The following FXYD5 variants were observed in gnomAD, a reference collection of about 807,000 sequenced individuals.
FXYD5 encodes FXYD domain-containing ion transport regulator 5.
Under a neutral mutation model 25.7 loss-of-function variants are expected in FXYD5, and 21 were observed. The observed-to-expected ratio is 0.82, with a 90% CI of 0.58 to 1.18. FXYD5 has a LOEUF of 1.18. FXYD5 is among the 50% of genes most tolerant of loss of function. The pLI, the probability that FXYD5 is intolerant of heterozygous loss-of-function variation, is 0.00. For missense variants in FXYD5, 229 were observed against 227.7 expected, an observed-to-expected ratio of 1.01 and a Z score of -0.04; for synonymous variants, 101 against 90.7, an observed-to-expected ratio of 1.11 and a Z score of -0.64.
At chr19:35,159,738 A>ACCATTGT in intron 4 of FXYD5, 2 of 1,366,046 alleles carry the variant, frequency 1.5e-6, no homozygotes, top group East Asian at 5.2e-5. Context: ...GGCAGAAATT[A>ACCATTGT]CCATTGTCCC....
Position 35,155,527 on chromosome 19 carries a change from C to T in FXYD5, c.1-24C>T, listed in dbSNP as rs763263533. The T allele has an allele frequency of 3.7e-6, 6 of 1,602,292 alleles. No homozygotes were observed. The East Asian group carries it at 1.3e-4, about 36-fold the overall frequency. On this transcript the variant is annotated intron_variant, in intron 1 of 8. Coordinates refer to ENST00000392219, the MANE Select transcript of FXYD5 (RefSeq NM_014164.6). Reference sequence around the variant, plus strand: ...TCGGTCTCACTGACATCATGGCTGACCCCAGCATCGCCTGGTCCCACAGAT... The same window carrying T: ...TCGGTCTCACTGACATCATGGCTGATCCCAGCATCGCCTGGTCCCACAGAT...
chr19:35,157,316 C>T, intron 2 of FXYD5, 105 bp from the exon 3 acceptor site: 2 of 655,428 alleles, frequency 3.1e-6, no homozygotes, highest in Non-Finnish European at 5.5e-6. Context: ...TGAGTGATTC[C>T]ACCAGCAGAC....
At chr19:35,159,708 C>T in intron 4 of FXYD5, 2 of 1,470,252 alleles carry the variant, frequency 1.4e-6, no homozygotes, top group Non-Finnish European at 1.8e-6. Flanking sequence ...ACTCATTCAA[C>T]CTTCACGCAA....
At chr19:35,169,088 C>T (rs1485534798) in intron 8 of FXYD5, among the ~76,000 whole-genome samples, 2 of 151,044 alleles carry the variant, frequency 1.3e-5, no homozygotes, top group Admixed American at 1.3e-4. Flanking sequence ...AAGTAACCTC[C>T]TCATTGAAGC....
At chr19:35,157,554 A>G (rs76309718) in intron 3 of FXYD5, 53 bp downstream of exon 3, 3 of 930,528 alleles carry the variant, frequency 3.2e-6, no homozygotes, top group Non-Finnish European at 5.3e-6. Context: ...TAACAACAGC[A>G]ACAAAAATCC....
At chr19:35,161,221 A>AACACACACACACACAC (rs147168736) in intron 5 of FXYD5, among the ~76,000 whole-genome samples, 1,318 of 38,236 alleles carry the variant, frequency 0.034, 23 homozygotes, top group East Asian at 0.072. Context: ...ATTCACCTTA[A>AACACACACACACACAC]ACACACACAC....
At position 35,169,780 on chromosome 19, in the gene FXYD5, C is replaced by T; in HGVS notation, c.*165C>T. ...GGCTGCCGGTCCGAGTCTCCTACCT[C>T]CCCCAACCCTGCCCGCCCCTGAAGG... On this transcript the variant is annotated 3_prime_UTR_variant, in exon 9 of 9. Coordinates refer to ENST00000392219, the MANE Select transcript of FXYD5 (RefSeq NM_014164.6). The T allele has an allele frequency of 3.2e-6, 2 of 619,032 alleles. No individual in the cohort carries two copies. Among genetic ancestry groups the T allele is most frequent in the Admixed American group, 2.6e-5 (1 of 38,062 alleles). 38.3% of individuals were successfully genotyped at this position (619,032 alleles called of 1,614,324 possible).
At chr19:35,159,638 G>A (rs1323155087) in intron 4 of FXYD5, 9 of 1,549,388 alleles carry the variant, frequency 5.8e-6, no homozygotes, top group South Asian at 2.4e-5. Flanking sequence ...TTGAGCAAAC[G>A]CACTTGGAAT....
Position 35,169,780 on chromosome 19 carries a change from C to A in FXYD5, c.*165C>A, listed in dbSNP as rs1426400996. 8.1e-6 allele frequency: 5 copies of A among 618,914 alleles called. No individual in the cohort carries two copies. The highest frequency in any genetic ancestry group is 1.4e-5 in the Non-Finnish European group (5 of 345,422). 38.3% of individuals were successfully genotyped at this position (618,914 alleles called of 1,614,324 possible). A position where few individuals can be genotyped will look rare whatever the true frequency, so the allele number is the denominator to read the frequency against. On this transcript the variant is annotated 3_prime_UTR_variant, in exon 9 of 9. Coordinates refer to ENST00000392219, the MANE Select transcript of FXYD5 (RefSeq NM_014164.6). ...GGCTGCCGGTCCGAGTCTCCTACCT[C>A]CCCCAACCCTGCCCGCCCCTGAAGG...
Position 35,166,270 on chromosome 19 carries a change from A to G in FXYD5, c.432A>G (p.Lys144=), listed in dbSNP as rs1198593598. The change falls in exon 8 of 9, where the codon AAA becomes AAG. Residue 144 remains lysine (K), a synonymous_variant. Transcript: ENST00000392219. ...PFFYDEHTLR[K]RGLLVAAVLF... is the part of the protein sequence containing the mutation. ...CTGCAGATGAACACACCCTCCGGAA[A>G]CGGGGGCTGTTGGTCGCAGCTGTGC... 6.2e-7 allele frequency: 1 copy of G among 1,611,672 alleles called. No individual in the cohort carries two copies. The highest frequency in any genetic ancestry group is 8.5e-7 in the Non-Finnish European group (1 of 1,178,284).
At chr19:35,168,650 A>G (rs2065471689) in intron 8 of FXYD5, among the ~76,000 whole-genome samples, 1 of 152,140 alleles carries the variant, frequency 6.6e-6, no homozygotes, top group Non-Finnish European at 1.5e-5. Context: ...GCAGCCACAG[A>G]TGAGTCTCTG....
At chr19:35,159,834 A>G (rs1198543828) in intron 4 of FXYD5, 1 of 629,308 alleles carries the variant, frequency 1.6e-6, no homozygotes, top group Non-Finnish European at 2.6e-6. Flanking sequence ...ATCGAAGTCC[A>G]GGAATCTGGC....
intron 6 of FXYD5, 49 bp from the exon 7 acceptor site, chr19:35,166,093 T>A (rs1439017703): frequency 1.9e-6 from 3 of 1,601,816 alleles, no homozygotes; most frequent in South Asian, 2.2e-5. Context: ...ACGTATTCAC[T>A]TCACAAACCT....
intron 1 of FXYD5, chr19:35,155,164 A>G: frequency 9.1e-6 from 2 of 218,644 alleles, no homozygotes; most frequent in Non-Finnish European, 9.0e-6. Context: ...CCCCTGGGGG[A>G]GGGAAGAGGC....
intron 4 of FXYD5, chr19:35,159,615 T>C (rs2065387158): frequency 1.9e-6 from 3 of 1,550,404 alleles, no homozygotes; most frequent in Non-Finnish European, 1.7e-6. Flanking sequence ...TGAGCAACTT[T>C]GTCCCTTCCT....
Position 35,169,705 on chromosome 19 carries a change from C to G in FXYD5, c.*90C>G, listed in dbSNP as rs1568418328. On this transcript the variant is annotated 3_prime_UTR_variant, in exon 9 of 9. Coordinates refer to ENST00000392219, the MANE Select transcript of FXYD5 (RefSeq NM_014164.6). Reference sequence around the variant, plus strand: ...CCGTGCCCAGCCTCCTGCATCCCCTCGAAGAGCCTGGCCAGAGAGGGAAGA... The same window carrying G: ...CCGTGCCCAGCCTCCTGCATCCCCTGGAAGAGCCTGGCCAGAGAGGGAAGA... 3.6e-6 allele frequency: 3 copies of G among 833,600 alleles called. No individual in the cohort carries two copies. The highest frequency in any genetic ancestry group is 1.7e-5 in the African/African-American group (1 of 59,908). The allele number at this position is 833,600 out of a possible 1,614,324, so 51.6% of individuals were successfully genotyped here. A position where few individuals can be genotyped will look rare whatever the true frequency, so the allele number is the denominator to read the frequency against.
chr19:35,162,214 T>C (rs1191776365), intron 5 of FXYD5, among the ~76,000 whole-genome samples: 2 of 152,212 alleles, frequency 1.3e-5, no homozygotes, highest in African/African-American at 4.8e-5. Context: ...CTGCTGAGCC[T>C]CTGGGTTGCC....
In FXYD5 at chr19:35,169,646, TG is replaced by T; in HGVS notation, c.*34del. 2 of 1,488,908 alleles carry T rather than the reference TG, an allele frequency of 1.3e-6. No individual in the cohort carries two copies. The highest frequency in any genetic ancestry group is 1.9e-6 in the Non-Finnish European group (2 of 1,065,494). 92.2% of individuals were successfully genotyped at this position (1,488,908 alleles called of 1,614,324 possible). Reference sequence around the variant, plus strand: ...TCAGAAACAGGAGCTGACAACCTGCTGGGCACCCGAAGACCAAGCCCCCTGC... The same window carrying T: ...TCAGAAACAGGAGCTGACAACCTGCTGGCACCCGAAGACCAAGCCCCCTGC... On this transcript the variant is annotated 3_prime_UTR_variant, in exon 9 of 9. Transcript: ENST00000392219.
chr19:35,163,286 C>G (rs1568414281), intron 5 of FXYD5, among the ~76,000 whole-genome samples: 1 of 152,106 alleles, frequency 6.6e-6, no homozygotes, highest in Non-Finnish European at 1.5e-5. Flanking sequence ...TGAGATAATT[C>G]CAGGGAACTT....
Sources: gnomAD v4.1 joint callset for allele counts (sites outside exome capture counted in the v4.1 genomes callset) on GRCh38, gnomAD v4.1.1 for gene constraint, MANE v1.5 for transcripts, NCBI Gene and HGNC (gene_info 2026-07-23, HGNC 2026-07-21) for gene names.